CCNG2: variants seen among roughly 807,000 people sequenced by gnomAD.
CCNG2 encodes cyclin-G2.
A neutral mutation model predicts 36.5 loss-of-function variants in CCNG2; 20 were observed. The observed-to-expected ratio is 0.55, with a 90% CI of 0.39 to 0.80. The LOEUF is 0.80. CCNG2 is among the 30% of genes least tolerant of loss of function. The pLI is 0.00. For synonymous variants in CCNG2, 155 were observed against 140.1 expected, an observed-to-expected ratio of 1.11 and a Z score of -0.75; for missense variants, 358 against 390.8, an observed-to-expected ratio of 0.92 and a Z score of 0.71.
rs1221937696 is a variant in CCNG2, at chr4:77,166,965, T to G, written c.*1041T>G. 1 of 152,184 alleles carries G rather than the reference T, an allele frequency of 6.6e-6. No homozygotes were observed. Among genetic ancestry groups the G allele is most frequent in the Non-Finnish European group, 1.5e-5 (1 of 68,034 alleles). The allele number at this position is 152,184 out of a possible 1,614,324, so 9.4% of individuals were successfully genotyped here. On this transcript the variant is annotated 3_prime_UTR_variant, in exon 8 of 8. Transcript: ENST00000316355. Reference sequence around the variant, plus strand: ...GATTTTGTACAGAGAATTTTTAACTTTATAAATTGTATATGAACATGTAAA... The same window carrying G: ...GATTTTGTACAGAGAATTTTTAACTGTATAAATTGTATATGAACATGTAAA...
intron 7 of CCNG2, among the ~76,000 whole-genome samples, chr4:77,165,323 T>A (rs961292666): frequency 1.3e-4 from 20 of 152,226 alleles, no homozygotes; most frequent in African/African-American, 4.6e-4. Context: ...ATACTTAGAA[T>A]TCTACAATTC....
At position 77,166,153 on chromosome 4, in the gene CCNG2, A is replaced by G. The variant is rs4150094; in HGVS notation, c.*229A>G. On this transcript the variant is annotated 3_prime_UTR_variant, in exon 8 of 8. Coordinates refer to ENST00000316355, the MANE Select transcript of CCNG2 (RefSeq NM_004354.3). ...ACAGTACTTTAGACATTGGCACTTT[A>G]TTTTTCTCGTAGATCTTTAGCTACT... The G allele has an allele frequency of 0.017, 5,244 of 317,632 alleles. 89 individuals are homozygous for G. The highest frequency in any genetic ancestry group is 0.029 in the Middle Eastern group (33 of 1,128). 19.7% of individuals were successfully genotyped at this position (317,632 alleles called of 1,614,324 possible). A position where few individuals can be genotyped will look rare whatever the true frequency, so the allele number is the denominator to read the frequency against.
rs1731682749 is a variant in CCNG2, at chr4:77,168,398, A to G, written c.*2474A>G. The G allele has an allele frequency of 6.6e-6, 1 of 152,250 alleles. No homozygotes were observed. Among genetic ancestry groups the G allele is most frequent in the Admixed American group, 6.5e-5 (1 of 15,294 alleles). The allele number at this position is 152,250 out of a possible 1,614,324, so 9.4% of individuals were successfully genotyped here. A position where few individuals can be genotyped will look rare whatever the true frequency, so the allele number is the denominator to read the frequency against. On this transcript the variant is annotated 3_prime_UTR_variant, in exon 8 of 8. Coordinates refer to ENST00000316355, the MANE Select transcript of CCNG2 (RefSeq NM_004354.3). The stretch of plus-strand genomic sequence containing the variant: ...GCTTACTCCTGGTCTCTGCCTTCCT[A>G]TCTACATATCCTTTTAAAATAAAAT...
At chr4:77,159,607 G>C in intron 3 of CCNG2, 103 bp downstream of exon 3, 1 of 1,067,892 alleles carries the variant, frequency 9.4e-7, no homozygotes, top group African/African-American at 1.6e-5. Context: ...AACGTCCACT[G>C]TACATAAAAA....
intron 7 of CCNG2, chr4:77,164,837 T>G (rs1731587544): frequency 6.2e-6 from 1 of 161,726 alleles, no homozygotes; most frequent in African/African-American, 2.4e-5. Context: ...GCACTCGGCC[T>G]CTTTTCCCTT....
At position 77,164,317 on chromosome 4, in the gene CCNG2, A is replaced by C; in HGVS notation, c.749A>C (p.Lys250Thr). 3.7e-6 allele frequency: 6 copies of C among 1,614,072 alleles called. No homozygotes were observed. Among genetic ancestry groups the C allele is most frequent in the Non-Finnish European group, 5.1e-6 (6 of 1,179,990 alleles). Residue 250 changes from lysine (K) to threonine (T), a missense_variant, in exon 7 of 8, where the codon AAA becomes ACA. Lys to Thr is a moderately conservative substitution (Grantham distance 78, BLOSUM62 -1). Transcript: ENST00000316355. ...TTCTACTGGAGAGAGTTGGTTTCTA[A>C]ATGCCTAGCCGAGTATTCTTCTCCT... ...EFFYWRELVS[K>T]CLAEYSSPEC...
chr4:77,161,099 C>CTTTTTTTTTTT lies in CCNG2; in HGVS notation c.527+137_527+147dup, dbSNP rs34505988. 601 of 307,712 alleles carry CTTTTTTTTTTT rather than the reference C, an allele frequency of 2.0e-3. 22 individuals are homozygous for CTTTTTTTTTTT. Among genetic ancestry groups the CTTTTTTTTTTT allele is most frequent in the African/African-American group, 0.015 (474 of 31,956 alleles). 19.1% of individuals were successfully genotyped at this position (307,712 alleles called of 1,614,324 possible). ...TTCAACTTTGACTTTATTGGTAAAT[C>CTTTTTTTTTTT]TTTTTTTTTTTTTTTTTTTGGAGAA... is the stretch of plus-strand genomic sequence containing the variant. On this transcript the variant is annotated intron_variant, in intron 4 of 7. Transcript: ENST00000316355.
intron 1 of CCNG2, chr4:77,158,211 G>T (rs969928285): frequency 2.2e-5 from 7 of 325,142 alleles, no homozygotes; most frequent in African/African-American, 1.5e-4. Flanking sequence ...CCTCCCTGGC[G>T]CGACTTCAGG....
rs1413200344 is a variant in CCNG2 at position 77,164,302 on chromosome 4, G to A, written c.734G>A (p.Arg245Lys). 1.2e-6 allele frequency: 2 copies of A among 1,613,820 alleles called. No homozygotes were observed. Among genetic ancestry groups the A allele is most frequent in the Non-Finnish European group, 1.7e-6 (2 of 1,179,822 alleles). ...AATGACACTGAGTTCTTCTACTGGA[G>A]AGAGTTGGTTTCTAAATGCCTAGCC... ...KINDTEFFYWRELVSKCLAEY... is the reference protein window; with the variant it reads ...KINDTEFFYWKELVSKCLAEY... Residue 245 changes from arginine to lysine, a missense_variant, in exon 7 of 8, where the codon AGA (arginine) becomes AAA (lysine). Coordinates refer to ENST00000316355, the MANE Select transcript of CCNG2 (RefSeq NM_004354.3).
intron 3 of CCNG2, 23 bp downstream of exon 3, chr4:77,159,527 A>G (rs369733719): frequency 7.8e-5 from 126 of 1,606,632 alleles, no homozygotes; most frequent in Non-Finnish European, 1.6e-5. Flanking sequence ...TTTTATAAAT[A>G]TGTCTTCCTT....
At position 77,169,421 on chromosome 4, in the gene CCNG2, TGATA is replaced by T. The variant is rs775520897; in HGVS notation, c.*3503_*3506del. On this transcript the variant is annotated 3_prime_UTR_variant, in exon 8 of 8. Transcript: ENST00000316355. Reference sequence around the variant, plus strand: ...TTTGTGTTTAGCAAATCAAATTGTGTGATAGATAGTTTCCCAGTATGATGGCCAG... The same window carrying T: ...TTTGTGTTTAGCAAATCAAATTGTGTGATAGTTTCCCAGTATGATGGCCAG... 55 of 152,334 alleles carry T rather than the reference TGATA, an allele frequency of 3.6e-4. No homozygotes were observed. The highest frequency in any genetic ancestry group is 2.1e-3 in the South Asian group (10 of 4,826). 9.4% of individuals were successfully genotyped at this position (152,334 alleles called of 1,614,324 possible). A position where few individuals can be genotyped will look rare whatever the true frequency, so the allele number is the denominator to read the frequency against.
At chr4:77,157,742 G>C (rs976529069) in intron 1 of CCNG2, among the ~76,000 whole-genome samples, 2 of 152,136 alleles carry the variant, frequency 1.3e-5, no homozygotes, top group African/African-American at 4.8e-5. Flanking sequence ...CTCCGCCTCG[G>C]TGCCCCCCGC....
chr4:77,161,061 C>G (rs1731421536), intron 4 of CCNG2, 90 bp downstream of exon 4: 1 of 854,148 alleles, frequency 1.2e-6, no homozygotes, highest in African/African-American at 1.8e-5. Context: ...TATATTTTTA[C>G]CTTCTTCAAA....
At chr4:77,160,253 A>G (rs1282915361) in intron 3 of CCNG2, among the ~76,000 whole-genome samples, 2 of 151,908 alleles carry the variant, frequency 1.3e-5, no homozygotes, top group Non-Finnish European at 2.9e-5. Context: ...GAATTTCATA[A>G]GTCTGAAATA....
chr4:77,163,243 A>C (rs560667373), intron 6 of CCNG2, among the ~76,000 whole-genome samples: 23 of 152,244 alleles, frequency 1.5e-4, no homozygotes, highest in Admixed American at 7.2e-4. Context: ...TCCCCCCAAC[A>C]TTAGGAGCCA....
In CCNG2 at chr4:77,161,565, C is replaced by A; in HGVS notation, c.606+7C>A. ...CATCTTTTCAAAAGCAAAAGTAAGT[C>A]GATTCCTTGCTTATGTATATATCTC... On this transcript the variant is annotated splice_region_variant and intron_variant, in intron 5 of 7. Coordinates refer to ENST00000316355, the MANE Select transcript of CCNG2 (RefSeq NM_004354.3). The A allele has an allele frequency of 6.2e-7, 1 of 1,603,448 alleles. No individual in the cohort carries two copies. Among genetic ancestry groups the A allele is most frequent in the Non-Finnish European group, 8.5e-7 (1 of 1,174,498 alleles).
At position 77,169,816 on chromosome 4, in the gene CCNG2, C is replaced by G. The variant is rs1177434707; in HGVS notation, c.*3892C>G. 1.3e-5 allele frequency: 2 copies of G among 152,172 alleles called. No homozygotes were observed. The highest frequency in any genetic ancestry group is 2.9e-5 in the Non-Finnish European group (2 of 68,038). The allele number at this position is 152,172 out of a possible 1,614,324, so 9.4% of individuals were successfully genotyped here. ...GAACTACTCAGTCGATCCCAATCAACCCACAGACTCACTAGAAATAACAAA... is the reference window on the plus strand; with the variant it reads ...GAACTACTCAGTCGATCCCAATCAAGCCACAGACTCACTAGAAATAACAAA... On this transcript the variant is annotated 3_prime_UTR_variant, in exon 8 of 8. Transcript: ENST00000316355.
chr4:77,162,376 ATTTTT>A (rs35692387), intron 6 of CCNG2, among the ~76,000 whole-genome samples: 1 of 71,448 alleles, frequency 1.4e-5, no homozygotes, highest in Non-Finnish European at 2.6e-5. Flanking sequence ...GTACTTTGGG[ATTTTT>A]TTTTTTTTTT....
chr4:77,157,802 G>C (rs1293026456), intron 1 of CCNG2, among the ~76,000 whole-genome samples: 3 of 152,090 alleles, frequency 2.0e-5, no homozygotes, highest in Non-Finnish European at 4.4e-5. Context: ...TTCTCGAATT[G>C]ACAGCCCCGG....
Sources: allele counts gnomAD v4.1 joint callset (sites outside exome capture counted in the v4.1 genomes callset), GRCh38; gene constraint gnomAD v4.1.1; transcripts MANE v1.5; gene names NCBI Gene and HGNC (gene_info 2026-07-23, HGNC 2026-07-21).